The following TRAPPC8 variants were observed in gnomAD, a reference collection of about 807,000 sequenced individuals.
TRAPPC8 encodes the protein trafficking protein particle complex subunit 8, also known as general sporulation gene 1 homolog.
TRAPPC8 carries 54 observed loss-of-function variants against 174.3 expected under a neutral mutation model. The observed-to-expected ratio is 0.31, with a 90% CI of 0.25 to 0.39. TRAPPC8 has a LOEUF of 0.39. TRAPPC8 is among the 10% of genes least tolerant of loss of function. TRAPPC8 has a pLI of 1.00. For missense variants in TRAPPC8, 1,531 were observed against 1,699.1 expected (o/e 0.90, Z 1.74); for synonymous variants, 630 against 579.9 (o/e 1.09, Z -1.24).
intron 12 of TRAPPC8, among the ~76,000 whole-genome samples, chr18:31,881,896 A>G (rs865849614): frequency 6.6e-6 from 1 of 152,158 alleles, no homozygotes; most frequent in African/African-American, 2.4e-5. Context: ...GAACATCACT[A>G]ATCATTAGAG....
At chr18:31,886,157 C>T (rs1027838825) in intron 12 of TRAPPC8, among the ~76,000 whole-genome samples, 4 of 151,420 alleles carry the variant, frequency 2.6e-5, no homozygotes, top group African/African-American at 9.7e-5. Context: ...AGGCATGCGC[C>T]ACCATGCCTG....
chr18:31,910,064 A>G (rs915734026), intron 5 of TRAPPC8, among the ~76,000 whole-genome samples: 6 of 152,162 alleles, frequency 3.9e-5, no homozygotes, highest in Non-Finnish European at 7.4e-5. Flanking sequence ...GAGTGTTCAT[A>G]TAAGCACATA....
chr18:31,880,238 T>C (rs1237862864), intron 12 of TRAPPC8, among the ~76,000 whole-genome samples: 2 of 150,360 alleles, frequency 1.3e-5, no homozygotes, highest in Non-Finnish European at 3.0e-5. Flanking sequence ...TGAACACAGA[T>C]GCAAAAACCA....
Position 31,874,671 on chromosome 18 carries a change from T to C in TRAPPC8, c.1762A>G (p.Met588Val). ...KHALRCYCQA[M>V]QVYKGKGWSL... The stretch of plus-strand genomic sequence containing the variant: ...CAGCCTTTTCCTTTGTAAACTTGCA[T>C]GGCTTGACAATAACAGCGTAAAGCA... Residue 588 changes from methionine (M) to valine (V), a missense_variant, in exon 13 of 29, where the codon ATG becomes GTG. Met to Val is a conservative substitution (Grantham distance 21). Transcript: ENST00000283351. 1.2e-6 allele frequency: 2 copies of C among 1,613,996 alleles called. No homozygotes were observed. The highest frequency in any genetic ancestry group is 8.5e-7 in the Non-Finnish European group (1 of 1,179,980).
At position 31,880,221 on chromosome 18, in the gene TRAPPC8, C is replaced by T. The variant is rs922000233; in HGVS notation, c.1729-5517G>A. 5.4e-5 allele frequency among the ~76,000 whole-genome samples: 8 copies of T among 148,038 alleles called. No homozygotes were observed. The Admixed American group carries it at 5.4e-4, about 10-fold the overall frequency. ...CACACAAAAAGAAAACAAGTCAATACCCATGATGAACACAGATGCAAAAAC... is the reference window on the plus strand; with the variant it reads ...CACACAAAAAGAAAACAAGTCAATATCCATGATGAACACAGATGCAAAAAC... On this transcript the variant is annotated intron_variant, in intron 12 of 28. Transcript: ENST00000283351.
intron 12 of TRAPPC8, 83 bp from the exon 13 acceptor site, chr18:31,874,787 A>G: frequency 8.8e-7 from 1 of 1,134,236 alleles, no homozygotes; most frequent in African/African-American, 1.6e-5. Context: ...ACACATAGAA[A>G]CAATTAAGTA....
rs1568153937 is a variant in TRAPPC8 at position 31,933,020 on chromosome 18, A to AAAAAAAAAAAAAAAAAAAAG, written c.158-1498_158-1497insCTTTTTTTTTTTTTTTTTTT. On this transcript the variant is annotated intron_variant, in intron 1 of 28. Coordinates refer to ENST00000283351, the MANE Select transcript of TRAPPC8 (RefSeq NM_014939.5). Reference sequence around the variant, plus strand: ...CTCAAAAAAAAAAAAAAAAAAAAAAAGCCGGGCGCAGTGGCTCACACCTGT... The same window carrying AAAAAAAAAAAAAAAAAAAAG: ...CTCAAAAAAAAAAAAAAAAAAAAAAAAAAAAAAAAAAAAAAAAAAGGCCGGGCGCAGTGGCTCACACCTGT... Among the ~76,000 whole-genome samples, 7 of 128,946 alleles carry AAAAAAAAAAAAAAAAAAAAG rather than the reference A, an allele frequency of 5.4e-5. 1 individual carries two copies. The highest frequency in any genetic ancestry group is 2.1e-4 in the African/African-American group (7 of 32,714). The allele number at this position is 128,946 out of a possible 152,430, so 84.6% of individuals were successfully genotyped here. A position where few individuals can be genotyped will look rare whatever the true frequency, so the allele number is the denominator to read the frequency against.
intron 9 of TRAPPC8, among the ~76,000 whole-genome samples, chr18:31,906,521 AT>A (rs2036667470): frequency 6.6e-6 from 1 of 152,188 alleles, no homozygotes; most frequent in Admixed American, 6.5e-5. Flanking sequence ...TATCTACACA[AT>A]TACCTATGAA....
chr18:31,917,732 T>C, intron 2 of TRAPPC8, 65 bp from the exon 3 acceptor site: 1 of 1,442,944 alleles, frequency 6.9e-7, no homozygotes, highest in South Asian at 1.2e-5. Flanking sequence ...ACAGACAAAA[T>C]TTCAAGTCCA....
chr18:31,907,486 C>A lies in TRAPPC8; in HGVS notation c.1363G>T (p.Ala455Ser). ...TAKKDFLNDQ[A>S]MLYAAGALEM... ...AAGGCACCAGCTGCATAAAGCATTGCTTGATCATTAAGAAAATCTTTCTTT... is the reference window on the plus strand; with the variant it reads ...AAGGCACCAGCTGCATAAAGCATTGATTGATCATTAAGAAAATCTTTCTTT... Residue 455 changes from alanine to serine, a missense_variant, in exon 9 of 29, where the codon GCA (alanine) becomes TCA (serine). Physicochemically the swap from Ala to Ser is moderately conservative, Grantham distance 99. Transcript: ENST00000283351. The A allele has an allele frequency of 6.2e-7, 1 of 1,602,446 alleles. No homozygotes were observed. The highest frequency in any genetic ancestry group is 8.5e-7 in the Non-Finnish European group (1 of 1,173,062).
intron 11 of TRAPPC8, among the ~76,000 whole-genome samples, chr18:31,896,623 TTTG>T (rs376033489): frequency 2.0e-5 from 3 of 152,074 alleles, no homozygotes; most frequent in East Asian, 1.9e-4. Flanking sequence ...TAGATAAATC[TTTG>T]TTGTTGTTGT....
intron 11 of TRAPPC8, among the ~76,000 whole-genome samples, chr18:31,892,378 T>C (rs1281377987): frequency 2.0e-5 from 3 of 152,224 alleles, no homozygotes; most frequent in African/African-American, 2.4e-5. Flanking sequence ...ACTTATGTAA[T>C]GGACATCTTT....
intron 1 of TRAPPC8, chr18:31,937,663 G>C (rs1486740431): frequency 1.3e-5 from 2 of 152,158 alleles, no homozygotes; most frequent in Non-Finnish European, 2.9e-5. Flanking sequence ...AAGAAAACTG[G>C]AGATATTAAA....
intron 25 of TRAPPC8, 115 bp from the exon 26 acceptor site, chr18:31,846,932 C>T: frequency 1.7e-6 from 1 of 587,888 alleles, no homozygotes; most frequent in Middle Eastern, 4.6e-4. Flanking sequence ...CAATTATTGA[C>T]ACTCCTGGCA....
intron 12 of TRAPPC8, among the ~76,000 whole-genome samples, chr18:31,888,326 G>C (rs2035811154): frequency 6.6e-6 from 1 of 152,050 alleles, no homozygotes; most frequent in Non-Finnish European, 1.5e-5. Flanking sequence ...CTGAGGTTGG[G>C]AATTCAAGAC....
chr18:31,920,675 C>T (rs999975855), intron 2 of TRAPPC8, among the ~76,000 whole-genome samples: 9 of 152,000 alleles, frequency 5.9e-5, no homozygotes, highest in African/African-American at 2.2e-4. Flanking sequence ...CACAGTGGCT[C>T]ACACCTGTAA....
intron 26 of TRAPPC8, among the ~76,000 whole-genome samples, chr18:31,842,316 G>A (rs1468765885): frequency 6.6e-6 from 1 of 152,210 alleles, no homozygotes; most frequent in Non-Finnish European, 1.5e-5. Flanking sequence ...AATGTATAGT[G>A]ATAAATATAA....
chr18:31,927,699 G>A (rs1289674968), intron 2 of TRAPPC8, among the ~76,000 whole-genome samples: 5 of 152,150 alleles, frequency 3.3e-5, no homozygotes, highest in African/African-American at 7.2e-5. Context: ...GACTATGCCT[G>A]GCCTTAATAA....
chr18:31,855,920 T>C, intron 20 of TRAPPC8, 113 bp from the exon 21 acceptor site: 2 of 1,157,966 alleles, frequency 1.7e-6, no homozygotes, highest in Non-Finnish European at 1.2e-6. Flanking sequence ...CCATTTATAC[T>C]CTAAAAATCC....
Sources: allele counts gnomAD v4.1 joint callset (sites outside exome capture counted in the v4.1 genomes callset), GRCh38; gene constraint gnomAD v4.1.1; transcripts MANE v1.5; gene names NCBI Gene and HGNC (gene_info 2026-07-23, HGNC 2026-07-21).